CDK14: variants seen among roughly 807,000 people sequenced by gnomAD.
CDK14 encodes the protein cyclin dependent kinase 14, also known as cyclin-dependent kinase 14.
In CDK14, 34 loss-of-function variants were observed where a neutral mutation model predicts 60.7. The observed-to-expected ratio is 0.56, with a 90% confidence interval of 0.43 to 0.75. The LOEUF (loss-of-function observed/expected upper bound fraction) is 0.75, where lower values mean the gene tolerates loss of function less well. Among genes scored for constraint, CDK14 ranks in the 30% least tolerant of loss-of-function variants. CDK14 has a pLI of 0.00. For synonymous variants in CDK14, 197 were observed against 203.7 expected, an observed-to-expected ratio of 0.97 and a Z score of 0.28; for missense variants, 482 against 564.1, an observed-to-expected ratio of 0.85 and a Z score of 1.47.
In CDK14 at chr7:91,209,269, AGT is replaced by A. The variant is rs1802990719; in HGVS notation, c.*2135_*2136del. The A allele has an allele frequency of 6.6e-6, 1 of 152,236 alleles. No individual in the cohort carries two copies. Among genetic ancestry groups the A allele is most frequent in the Non-Finnish European group, 1.5e-5 (1 of 68,048 alleles). 9.4% of individuals were successfully genotyped at this position (152,236 alleles called of 1,614,324 possible). A position where few individuals can be genotyped will look rare whatever the true frequency, so the allele number is the denominator to read the frequency against. On this transcript the variant is annotated 3_prime_UTR_variant, in exon 15 of 15. Transcript: ENST00000380050. ...CTGTCGTAGGCAGCTTCTTCGGAGAAGTGAAATATAACATTACTCAGTGGACG... is the reference window on the plus strand; with the variant it reads ...CTGTCGTAGGCAGCTTCTTCGGAGAAGAAATATAACATTACTCAGTGGACG...
At chr7:90,725,748 G>A (rs527919563) in intron 2 of CDK14, among the ~76,000 whole-genome samples, 17 of 152,116 alleles carry the variant, frequency 1.1e-4, no homozygotes, top group African/African-American at 3.9e-4. Context: ...CCAGAGTATC[G>A]GGAGAATGAC....
At chr7:91,069,423 C>G (rs1211366935) in intron 11 of CDK14, among the ~76,000 whole-genome samples, 1 of 152,050 alleles carries the variant, frequency 6.6e-6, no homozygotes, top group African/African-American at 2.4e-5. Flanking sequence ...TGCCTGTAGT[C>G]TCAGGTACTT....
chr7:90,911,231 T>C (rs1451518499), intron 7 of CDK14, among the ~76,000 whole-genome samples: 1 of 152,178 alleles, frequency 6.6e-6, no homozygotes, highest in Non-Finnish European at 1.5e-5. Context: ...TCAACTCCAG[T>C]TGTTTAATTT....
chr7:91,129,091 C>A (rs990254125), intron 14 of CDK14, among the ~76,000 whole-genome samples: 7 of 152,162 alleles, frequency 4.6e-5, no homozygotes, highest in African/African-American at 1.7e-4. Flanking sequence ...GTCAGCAGAT[C>A]TCAAAGTGTG....
At chr7:91,172,441 T>TA (rs1316272515) in intron 14 of CDK14, among the ~76,000 whole-genome samples, 2 of 152,246 alleles carry the variant, frequency 1.3e-5, no homozygotes, top group African/African-American at 4.8e-5. Flanking sequence ...GCTTCCTAAA[T>TA]GGACTTCCTC....
At chr7:90,748,928 T>C (rs1803701025) in intron 4 of CDK14, among the ~76,000 whole-genome samples, 1 of 152,098 alleles carries the variant, frequency 6.6e-6, no homozygotes, top group Non-Finnish European at 1.5e-5. Flanking sequence ...AATAAGAAGA[T>C]GTAGAAGAGA....
At chr7:91,127,383 G>A (rs1179889236) in intron 14 of CDK14, among the ~76,000 whole-genome samples, 10 of 152,178 alleles carry the variant, frequency 6.6e-5, no homozygotes, top group Admixed American at 6.6e-4. Context: ...TTCGACAGAA[G>A]CGGATAGAGA....
intron 5 of CDK14, among the ~76,000 whole-genome samples, chr7:90,801,838 G>T (rs574072380): frequency 6.6e-6 from 1 of 152,032 alleles, no homozygotes; most frequent in African/African-American, 2.4e-5. Context: ...AATCATCTTT[G>T]GTTATAACTG....
chr7:90,631,824 T>C (rs1800003608), intron 2 of CDK14: 1 of 152,172 alleles, frequency 6.6e-6, no homozygotes, highest in Non-Finnish European at 1.5e-5. Context: ...TACAGGAAGC[T>C]CAAGGGTAAA....
chr7:91,073,066 G>A lies in CDK14; in HGVS notation c.1106-6366G>A, dbSNP rs544676708. ...TGATTGGAGTACCTGAAAGAGACAG[G>A]GAGAATGGAACCAAGTTGGAAAACA... On this transcript the variant is annotated intron_variant, in intron 11 of 14. Transcript: ENST00000380050. 9.9e-5 allele frequency among the ~76,000 whole-genome samples: 15 copies of A among 152,200 alleles called. No homozygotes were observed. The South Asian group carries it at 2.9e-3, about 30-fold the overall frequency.
At chr7:90,901,703 C>T (rs1792511667) in intron 7 of CDK14, among the ~76,000 whole-genome samples, 1 of 151,628 alleles carries the variant, frequency 6.6e-6, no homozygotes, top group Non-Finnish European at 1.5e-5. Context: ...CACACACACA[C>T]ATATATATTC....
At chr7:91,014,251 T>C (rs1288646362) in intron 10 of CDK14, among the ~76,000 whole-genome samples, 1 of 152,144 alleles carries the variant, frequency 6.6e-6, no homozygotes, top group Non-Finnish European at 1.5e-5. Context: ...AATTACACTT[T>C]TTTGTTTATA....
rs544800068 is a variant in CDK14 at position 90,750,747 on chromosome 7, C to G, written c.464+2972C>G. ...AATTAGCTAGGTGTGGTGGCACATG[C>G]CTGTAATCTCAGCTACTCCAGAGGC... On this transcript the variant is annotated intron_variant, in intron 4 of 14. Transcript: ENST00000380050. 8.5e-5 allele frequency among the ~76,000 whole-genome samples: 13 copies of G among 152,128 alleles called. No individual in the cohort carries two copies. In the East Asian group the frequency reaches 2.3e-3, roughly 27 times the overall value.
chr7:91,130,946 C>T (rs1800098258), intron 14 of CDK14, among the ~76,000 whole-genome samples: 2 of 152,070 alleles, frequency 1.3e-5, no homozygotes, highest in Non-Finnish European at 2.9e-5. Context: ...AACTTTATGT[C>T]AGAAAACGGG....
rs74839397 is a variant in CDK14, at chr7:91,118,125, G to A, written c.1355G>A (p.Arg452Gln). Residue 452 changes from arginine to glutamine, a missense_variant, in exon 14 of 15, where the codon CGG becomes CAG. Physicochemically the swap from Arg to Gln is conservative, Grantham distance 43 (BLOSUM62 1). Coordinates refer to ENST00000380050, the MANE Select transcript of CDK14 (RefSeq NM_001287135.2). ...CAACCAGAAGCTGGAGAAAGCATGCGGGCCTTTGGGAAAAACAATAGTTAT... is the reference window on the plus strand; with the variant it reads ...CAACCAGAAGCTGGAGAAAGCATGCAGGCCTTTGGGAAAAACAATAGTTAT... The part of the protein sequence containing the change: ...RLQPEAGESM[R>Q]AFGKNNSYGK... 151 of 1,613,518 alleles carry A rather than the reference G, an allele frequency of 9.4e-5. 1 individual carries two copies. In the East Asian group the frequency reaches 1.4e-3, roughly 15 times the overall value.
intron 5 of CDK14, among the ~76,000 whole-genome samples, chr7:90,814,692 C>T (rs1205121403): frequency 6.6e-6 from 1 of 152,148 alleles, no homozygotes; most frequent in East Asian, 1.9e-4. Context: ...AGGAGAATTG[C>T]TTGAACCGAG....
chr7:91,035,969 G>T (rs554348175), intron 10 of CDK14, among the ~76,000 whole-genome samples: 1 of 148,422 alleles, frequency 6.7e-6, no homozygotes, highest in African/African-American at 2.5e-5. Flanking sequence ...TCAGCCTCCC[G>T]AGTAGCTGGG....
At chr7:90,854,192 C>T (rs932175646) in intron 5 of CDK14, among the ~76,000 whole-genome samples, 16 of 152,148 alleles carry the variant, frequency 1.1e-4, no homozygotes, top group African/African-American at 3.9e-4. Context: ...CACATACATT[C>T]ATTTAAAGAG....
chr7:90,793,072 T>C (rs953142879), intron 5 of CDK14, among the ~76,000 whole-genome samples: 2 of 152,028 alleles, frequency 1.3e-5, no homozygotes, highest in African/African-American at 2.4e-5. Context: ...ATAATTCTTA[T>C]TGGAATGTGA....
Sources: allele counts gnomAD v4.1 joint callset (sites outside exome capture counted in the v4.1 genomes callset), GRCh38; gene constraint gnomAD v4.1.1; transcripts MANE v1.5; gene names NCBI Gene and HGNC (gene_info 2026-07-23, HGNC 2026-07-21).